The following ODAD2 variants were observed in gnomAD, a reference collection of about 807,000 sequenced individuals.
ODAD2 encodes the protein outer dynein arm docking complex subunit 2, also known as outer dynein arm-docking complex subunit 2.
In ODAD2, 89 loss-of-function variants were observed where a neutral mutation model predicts 106.8. The ratio of observed to expected loss-of-function variants is 0.83; its 90% CI spans 0.70 to 0.99. ODAD2 has a LOEUF of 0.99. Ranked by LOEUF, ODAD2 falls within the 50% of genes least tolerant of loss-of-function variation. The pLI, the probability that ODAD2 is intolerant of heterozygous loss-of-function variation, is 0.00. For missense variants in ODAD2, 1,168 were observed against 1,238.5 expected, an observed-to-expected ratio of 0.94 and a Z score of 0.85; for synonymous variants, 404 against 436.2, an observed-to-expected ratio of 0.93 and a Z score of 0.92.
chr10:27,899,181 G>A (rs4749279), intron 17 of ODAD2, among the ~76,000 whole-genome samples: 100,129 of 151,132 alleles, frequency 0.66, 33,503 homozygotes, highest in Middle Eastern at 0.74. Context: ...AGACTGGGGC[G>A]TCACCTCACT....
chr10:27,984,099 C>G (rs1354633384), intron 5 of ODAD2, 85 bp downstream of exon 5: 5 of 1,484,718 alleles, frequency 3.4e-6, no homozygotes, highest in East Asian at 4.5e-5. Context: ...TAAACCTTCT[C>G]TTGTAATGTA....
intron 17 of ODAD2, among the ~76,000 whole-genome samples, chr10:27,867,311 T>C (rs1840513026): frequency 6.6e-6 from 1 of 152,166 alleles, no homozygotes; most frequent in Admixed American, 6.5e-5. Flanking sequence ...CAGGCTGTGA[T>C]GAACGGATAA....
Position 27,836,506 on chromosome 10 carries a change from T to C in ODAD2, c.3022-23881A>G, listed in dbSNP as rs192748685. ...CTAATATGTAAACATATCTATACCA[T>C]CTAAAATGATTTTTTGCAAAACTCA... is the stretch of plus-strand genomic sequence containing the variant. On this transcript the variant is annotated intron_variant, in intron 19 of 19. Coordinates refer to ENST00000305242, the MANE Select transcript of ODAD2 (RefSeq NM_018076.5). Among the ~76,000 whole-genome samples, 239 of 152,324 alleles carry C rather than the reference T, an allele frequency of 1.6e-3. 1 individual carries two copies. Among genetic ancestry groups the C allele is most frequent in the Non-Finnish European group, 2.6e-3 (174 of 68,034 alleles).
intron 12 of ODAD2, among the ~76,000 whole-genome samples, chr10:27,941,596 G>GTTTTTTTTTT (rs371752746): frequency 1.7e-5 from 2 of 114,932 alleles, no homozygotes; most frequent in Non-Finnish European, 3.5e-5. Flanking sequence ...CCAGCATCCA[G>GTTTTTTTTTT]TTTTTTTTTT....
chr10:27,812,704 T>C, intron 19 of ODAD2, 79 bp from the exon 20 acceptor site: 1 of 1,456,054 alleles, frequency 6.9e-7, no homozygotes, highest in Non-Finnish European at 9.0e-7. Context: ...GCTAGGAAAA[T>C]AATTTTCAAT....
At chr10:27,835,891 A>G (rs1589784693) in intron 19 of ODAD2, 1 of 151,438 alleles carries the variant, frequency 6.6e-6, no homozygotes, top group East Asian at 1.9e-4. Flanking sequence ...GCACCACTGC[A>G]CTCCAGCCTG....
chr10:27,934,913 C>CGTGCACATCAATTCTAA (rs1845856317), intron 16 of ODAD2, 97 bp downstream of exon 16: 1 of 1,405,154 alleles, frequency 7.1e-7, no homozygotes, highest in African/African-American at 1.4e-5. Flanking sequence ...TTTCATCATT[C>CGTGCACATCAATTCTAA]GTGCACATCA....
At position 27,848,807 on chromosome 10, in the gene ODAD2, ATC is replaced by A. The variant is rs199570908; in HGVS notation, c.3021+11816_3021+11817del. Among the ~76,000 whole-genome samples, 793 of 152,362 alleles carry A rather than the reference ATC, an allele frequency of 5.2e-3. 5 individuals are homozygous for A. The highest frequency in any genetic ancestry group is 0.018 in the African/African-American group (745 of 41,580). On this transcript the variant is annotated intron_variant, in intron 19 of 19. Coordinates refer to ENST00000305242, the MANE Select transcript of ODAD2 (RefSeq NM_018076.5). ...CCAATAGACACACGAGAAAATGCTC[ATC>A]ATCACTGGCCATCAGAGAAATGCAA...
intron 17 of ODAD2, among the ~76,000 whole-genome samples, chr10:27,906,099 T>G (rs1370097992): frequency 6.6e-6 from 1 of 151,884 alleles, no homozygotes; most frequent in Admixed American, 6.6e-5. Flanking sequence ...ATGGGAAAAA[T>G]TTTTGCAATC....
At chr10:27,940,497 G>C in intron 13 of ODAD2, 66 bp downstream of exon 13, 1 of 1,585,214 alleles carries the variant, frequency 6.3e-7, no homozygotes. Flanking sequence ...GATAACCTTA[G>C]AAACAACTTT....
At chr10:27,958,767 T>C (rs1847903607) in intron 10 of ODAD2, 1 of 1,043,358 alleles carries the variant, frequency 9.6e-7, no homozygotes, top group Non-Finnish European at 1.3e-6. Flanking sequence ...ATAATTCTAA[T>C]ATAAGAGAAC....
intron 4 of ODAD2, 70 bp downstream of exon 4, chr10:27,984,949 A>G (rs1849781154): frequency 1.0e-6 from 1 of 957,328 alleles, no homozygotes; most frequent in South Asian, 2.0e-5. Flanking sequence ...TTGCTCTGTC[A>G]CCCAGGCTGG....
intron 19 of ODAD2, among the ~76,000 whole-genome samples, chr10:27,826,744 C>T (rs755507630): frequency 1.1e-4 from 16 of 152,050 alleles, no homozygotes; most frequent in East Asian, 1.9e-4. Context: ...CCCCTCTTTC[C>T]GGTATTTTCA....
rs186360985 is a variant in ODAD2 at position 27,914,618 on chromosome 10, G to A, written c.2496-6841C>T. Among the ~76,000 whole-genome samples, 3 of 151,762 alleles carry A rather than the reference G, an allele frequency of 2.0e-5. No homozygotes were observed. In the East Asian group the frequency reaches 5.8e-4, roughly 29 times the overall value. On this transcript the variant is annotated intron_variant, in intron 16 of 19. Coordinates refer to ENST00000305242, the MANE Select transcript of ODAD2 (RefSeq NM_018076.5). ...CTGTTCCCTTTAATGACCAATTTGT[G>A]GTTATCTCCTCTGTAGGCAAAGGAG...
intron 19 of ODAD2, among the ~76,000 whole-genome samples, chr10:27,846,218 A>G (rs950974203): frequency 2.6e-5 from 4 of 152,176 alleles, no homozygotes; most frequent in African/African-American, 9.6e-5. Flanking sequence ...ATTATAACGA[A>G]CTGTCTCTCA....
chr10:27,864,826 G>A (rs879758877), intron 17 of ODAD2, among the ~76,000 whole-genome samples: 3 of 152,134 alleles, frequency 2.0e-5, no homozygotes, highest in South Asian at 2.1e-4. Context: ...TCCCAACGGC[G>A]TATCAGGCAT....
intron 9 of ODAD2, among the ~76,000 whole-genome samples, chr10:27,963,690 T>A (rs1382236377): frequency 6.6e-6 from 1 of 151,746 alleles, no homozygotes; most frequent in Non-Finnish European, 1.5e-5. Flanking sequence ...AATATTCATG[T>A]TTCACTACAG....
chr10:27,819,723 C>T (rs953863664), intron 19 of ODAD2, among the ~76,000 whole-genome samples: 7 of 151,234 alleles, frequency 4.6e-5, no homozygotes, highest in East Asian at 1.9e-4. Flanking sequence ...GCTATGATTG[C>T]GCCATTGCTG....
chr10:27,942,322 G>T (rs536985892), intron 12 of ODAD2, among the ~76,000 whole-genome samples: 1 of 152,234 alleles, frequency 6.6e-6, no homozygotes, highest in South Asian at 2.1e-4. Flanking sequence ...TGTACGTATA[G>T]GTCACAGTCA....
Sources: gnomAD v4.1 joint callset for allele counts (sites outside exome capture counted in the v4.1 genomes callset) on GRCh38, gnomAD v4.1.1 for gene constraint, MANE v1.5 for transcripts, NCBI Gene and HGNC (gene_info 2026-07-23, HGNC 2026-07-21) for gene names.